The following SOX5 variants were observed in gnomAD, a reference collection of about 807,000 sequenced individuals.
The protein encoded by SOX5 is transcription factor SOX-5.
SOX5 carries 9 observed loss-of-function variants against 92.0 expected under a neutral mutation model. That is an observed-to-expected ratio of 0.10 (90% CI 0.06 to 0.17). SOX5 has a LOEUF of 0.17. Ranked by LOEUF, SOX5 falls within the 10% of genes least tolerant of loss-of-function variation. The pLI, the probability that SOX5 is intolerant of heterozygous loss-of-function variation, is 1.00. For synonymous variants in SOX5, 344 were observed against 336.3 expected (o/e 1.02, Z -0.25); for missense variants, 642 against 944.5 (o/e 0.68, Z 4.20).
chr12:24,375,458 G>C (rs1957165444), intron 1 of SOX5, among the ~76,000 whole-genome samples: 1 of 151,906 alleles, frequency 6.6e-6, no homozygotes, highest in Non-Finnish European at 1.5e-5. Flanking sequence ...AATAAGGCCG[G>C]GTGCGGTGGC....
intron 4 of SOX5, among the ~76,000 whole-genome samples, chr12:24,060,646 C>T (rs1188231102): frequency 6.6e-6 from 1 of 152,190 alleles, no homozygotes; most frequent in Non-Finnish European, 1.5e-5. Context: ...GGACCATACC[C>T]TAGCCAAAGA....
intron 6 of SOX5, among the ~76,000 whole-genome samples, chr12:23,707,923 A>G (rs2140313760): frequency 6.6e-6 from 1 of 152,226 alleles, no homozygotes; most frequent in East Asian, 1.9e-4. Context: ...TCTAGGTCGG[A>G]AAGCTGAGGA....
At chr12:24,166,868 A>G (rs908035760) in intron 4 of SOX5, among the ~76,000 whole-genome samples, 2 of 152,206 alleles carry the variant, frequency 1.3e-5, no homozygotes, top group Non-Finnish European at 2.9e-5. Flanking sequence ...CTCTTTGAGC[A>G]CATAAGCAAA....
At chr12:23,995,684 C>T (rs981050670) in intron 4 of SOX5, among the ~76,000 whole-genome samples, 5 of 152,158 alleles carry the variant, frequency 3.3e-5, no homozygotes, top group African/African-American at 1.2e-4. Context: ...GGCAACAGAG[C>T]AAGACTCTCT....
chr12:24,398,525 A>G (rs1189736335), intron 1 of SOX5, among the ~76,000 whole-genome samples: 2 of 152,280 alleles, frequency 1.3e-5, no homozygotes, highest in East Asian at 3.9e-4. Flanking sequence ...AACTGCTTTT[A>G]TTTATCACTG....
At chr12:24,329,478 A>G (rs1714110201) in intron 2 of SOX5, among the ~76,000 whole-genome samples, 2 of 152,184 alleles carry the variant, frequency 1.3e-5, no homozygotes, top group Non-Finnish European at 2.9e-5. Context: ...ACCTCCCACC[A>G]GGTCTCTCCT....
rs949443524 is a variant in SOX5 at position 23,612,016 on chromosome 12, G to A, written c.1018-7483C>T. Among the ~76,000 whole-genome samples the A allele has an allele frequency of 4.0e-5, 6 of 151,662 alleles. No individual in the cohort carries two copies. In the East Asian group the frequency reaches 1.2e-3, roughly 29 times the overall value. On this transcript the variant is annotated intron_variant, in intron 8 of 14. Transcript: ENST00000451604. ...ATACTGATTCCTAAAGATAATTTGTGAACTTTTTACACTGTTATTATCTGA... is the reference window on the plus strand; with the variant it reads ...ATACTGATTCCTAAAGATAATTTGTAAACTTTTTACACTGTTATTATCTGA...
chr12:24,154,869 G>T (rs1033547410), intron 4 of SOX5, among the ~76,000 whole-genome samples: 2 of 152,016 alleles, frequency 1.3e-5, no homozygotes, highest in Non-Finnish European at 2.9e-5. Context: ...ATGGAAAATT[G>T]GGTATAAACT....
At chr12:23,822,659 A>G (rs1359174489) in intron 3 of SOX5, among the ~76,000 whole-genome samples, 2 of 152,020 alleles carry the variant, frequency 1.3e-5, no homozygotes, top group African/African-American at 4.8e-5. Flanking sequence ...GCTAAGTTCA[A>G]CTCCTGAATA....
intron 6 of SOX5, among the ~76,000 whole-genome samples, chr12:23,720,862 G>T (rs887990246): frequency 4.6e-5 from 7 of 152,030 alleles, no homozygotes; most frequent in African/African-American, 1.4e-4. Flanking sequence ...CGGCACAATT[G>T]CTCTTATTTT....
chr12:23,666,352 T>A (rs1473861898), intron 6 of SOX5, among the ~76,000 whole-genome samples: 1 of 152,132 alleles, frequency 6.6e-6, no homozygotes, highest in African/African-American at 2.4e-5. Context: ...ACTCTCAGAG[T>A]ATGGGGTTCA....
At chr12:24,468,397 T>C (rs1944447264) in intron 1 of SOX5, among the ~76,000 whole-genome samples, 1 of 151,940 alleles carries the variant, frequency 6.6e-6, no homozygotes. Flanking sequence ...GTACAGCATG[T>C]AAAGTATATA....
chr12:24,370,533 T>G (rs1227978738), intron 1 of SOX5, among the ~76,000 whole-genome samples: 2 of 150,236 alleles, frequency 1.3e-5, no homozygotes, highest in Non-Finnish European at 3.0e-5. Flanking sequence ...GGCTCATGCC[T>G]GTAATCCCGG....
Position 23,740,927 on chromosome 12 carries a change from A to C in SOX5, c.681T>G (p.Ala227=). ...LAAHDEQKKL[A]ASQIEKQRQQ... The stretch of plus-strand genomic sequence containing the variant: ...GACGCTGTTTCTCAATCTGAGAGGC[A>C]GCTAGTTTCTTCTGCTCATCGTGGG... The change falls in exon 5 of 15, where the codon GCT becomes GCG. Residue 227 remains alanine, a synonymous_variant. Transcript: ENST00000451604. The C allele has an allele frequency of 6.2e-7, 1 of 1,613,362 alleles. No homozygotes were observed. The highest frequency in any genetic ancestry group is 8.5e-7 in the Non-Finnish European group (1 of 1,179,508).
At chr12:24,519,487 G>A (rs987954778) in intron 1 of SOX5, among the ~76,000 whole-genome samples, 21 of 150,542 alleles carry the variant, frequency 1.4e-4, no homozygotes, top group Non-Finnish European at 4.4e-5. Flanking sequence ...ATAGATTTGA[G>A]AAAAAAAAAC....
At chr12:23,987,744 G>C (rs1280081772) in intron 4 of SOX5, among the ~76,000 whole-genome samples, 2 of 152,150 alleles carry the variant, frequency 1.3e-5, no homozygotes, top group Admixed American at 6.6e-5. Context: ...AGCGAGCTGC[G>C]ATCAGGCCAC....
At chr12:24,067,872 C>A (rs572565038) in intron 4 of SOX5, among the ~76,000 whole-genome samples, 9 of 152,168 alleles carry the variant, frequency 5.9e-5, no homozygotes, top group African/African-American at 1.9e-4. Flanking sequence ...AGGCCAGGTG[C>A]GGCGGCTCAC....
intron 8 of SOX5, among the ~76,000 whole-genome samples, chr12:23,623,258 T>C (rs1465039743): frequency 6.6e-6 from 1 of 152,170 alleles, no homozygotes; most frequent in Admixed American, 6.5e-5. Context: ...GACAGAAGCA[T>C]AAAGCATTTA....
chr12:24,385,108 G>T (rs1958244897), intron 1 of SOX5, among the ~76,000 whole-genome samples: 1 of 152,204 alleles, frequency 6.6e-6, no homozygotes, highest in Non-Finnish European at 1.5e-5. Context: ...TGTTACTGCT[G>T]TTAATCTCTT....
Sources: allele counts gnomAD v4.1 joint callset (sites outside exome capture counted in the v4.1 genomes callset), GRCh38; gene constraint gnomAD v4.1.1; transcripts MANE v1.5; gene names NCBI Gene and HGNC (gene_info 2026-07-23, HGNC 2026-07-21).